TPST2: variants seen among roughly 807,000 people sequenced by gnomAD.
The protein encoded by TPST2 is tyrosylprotein sulfotransferase 2, also known as protein-tyrosine sulfotransferase 2.
Under a neutral mutation model 27.8 loss-of-function variants are expected in TPST2, and 16 were observed. The observed-to-expected ratio is 0.58, with a 90% CI of 0.39 to 0.88. The LOEUF (loss-of-function observed/expected upper bound fraction) is 0.88. TPST2 is among the 40% of genes least tolerant of loss of function. The probability of loss-of-function intolerance (pLI) is 0.00; values close to 1 mark genes in which losing one functional copy is unlikely to be tolerated. For missense variants in TPST2, 464 were observed against 543.1 expected (o/e 0.85, Z 1.45); for synonymous variants, 229 against 231.7 (o/e 0.99, Z 0.10).
chr22:26,564,148 A>G (rs917173489), intron 1 of TPST2, among the ~76,000 whole-genome samples: 4 of 152,154 alleles, frequency 2.6e-5, no homozygotes, highest in Non-Finnish European at 4.4e-5. Flanking sequence ...TGTCTAGACA[A>G]CCAGCGCCAG....
At chr22:26,563,424 G>A (rs967284963) in intron 1 of TPST2, among the ~76,000 whole-genome samples, 4 of 150,430 alleles carry the variant, frequency 2.7e-5, no homozygotes, top group African/African-American at 7.4e-5. Flanking sequence ...CGTCTCCCGG[G>A]TTCACACCAT....
chr22:26,561,614 T>A (rs1927100511), intron 1 of TPST2, among the ~76,000 whole-genome samples: 1 of 152,122 alleles, frequency 6.6e-6, no homozygotes, highest in African/African-American at 2.4e-5. Flanking sequence ...ATTTTTTTAT[T>A]AGAAAAAAAA....
intron 1 of TPST2, among the ~76,000 whole-genome samples, chr22:26,567,880 C>T (rs956755743): frequency 2.8e-4 from 42 of 152,272 alleles, no homozygotes; most frequent in African/African-American, 1.0e-3. Flanking sequence ...CATTACATAA[C>T]TAAATAACTA....
At position 26,541,729 on chromosome 22, in the gene TPST2, A is replaced by C; in HGVS notation, c.-88-11T>G. On this transcript the variant is annotated splice_polypyrimidine_tract_variant and intron_variant, in intron 2 of 6. Transcript: ENST00000338754. This position sits in a 1 kb window ranked among gnomAD's most constrained non-coding sequence, Gnocchi z 5.9. ...CCGCCAGGCTCACATCTGGGGAGAG[A>C]GGGGGACATGCATAGTCAGGGAGGT... The C allele has an allele frequency of 6.9e-7, 1 of 1,454,096 alleles. No homozygotes were observed. The highest frequency in any genetic ancestry group is 1.4e-5 in the South Asian group (1 of 70,010). The allele number at this position is 1,454,096 out of a possible 1,614,324, so 90.1% of individuals were successfully genotyped here.
rs1181574640 is a variant in TPST2 at position 26,541,226 on chromosome 22, G to A, written c.405C>T (p.Ala135=). Reference sequence around the variant, plus strand: ...CCTCCAGGATGAAGGCCTGCATGGCGGCGTCCAGCACCTCATCCGTCACCC... The same window carrying A: ...CCTCCAGGATGAAGGCCTGCATGGCAGCGTCCAGCACCTCATCCGTCACCC... ...EAGVTDEVLD[A]AMQAFILEVI... is the part of the protein sequence containing the mutation. Residue 135 remains alanine (A), a synonymous_variant, in exon 3 of 7, where the codon GCC becomes GCT. Transcript: ENST00000338754. The surrounding 1 kb of genome is among the most constrained non-coding windows in gnomAD (Gnocchi z 5.9). 1.3e-6 allele frequency: 2 copies of A among 1,561,488 alleles called. No individual in the cohort carries two copies. The highest frequency in any genetic ancestry group is 1.7e-6 in the Non-Finnish European group (2 of 1,151,474).
At chr22:26,555,292 T>C (rs976434292) in intron 1 of TPST2, 7 of 521,258 alleles carry the variant, frequency 1.3e-5, no homozygotes, top group Non-Finnish European at 2.7e-5. Context: ...CCGCAATTAC[T>C]TTTGCACCAG....
At chr22:26,538,896 G>A (rs1010185415) in intron 3 of TPST2, among the ~76,000 whole-genome samples, 9 of 152,178 alleles carry the variant, frequency 5.9e-5, no homozygotes, top group South Asian at 2.1e-4. Flanking sequence ...CCACACCACC[G>A]TGGAAAAAGG....
rs563611843 is a variant in TPST2 at position 26,585,816 on chromosome 22, C to G, written c.-161+4237G>C. ...CTGTAATCCTAGCACTTTGAGAGGC[C>G]GAGGCGGGCGGATCACAAGGTCAGG... On this transcript the variant is annotated intron_variant, in intron 1 of 6. Transcript: ENST00000338754. 2.6e-5 allele frequency among the ~76,000 whole-genome samples: 4 copies of G among 152,192 alleles called. No homozygotes were observed. In the East Asian group the frequency reaches 7.7e-4, roughly 29 times the overall value.
At position 26,525,026 on chromosome 22, in the gene TPST2, G is replaced by A. The variant is rs559076993; in HGVS notation, c.*1249C>T. The A allele has an allele frequency of 1.3e-5, 2 of 152,256 alleles. No individual in the cohort carries two copies. The highest frequency in any genetic ancestry group is 4.1e-4 in the South Asian group (2 of 4,820). The allele number at this position is 152,256 out of a possible 1,614,324, so 9.4% of individuals were successfully genotyped here. ...AGCTGGTGATTAAGTAACTAAAGTC[G>A]GTCATGTGATTGCCCTATGTGACTG... On this transcript the variant is annotated 3_prime_UTR_variant, in exon 7 of 7. Transcript: ENST00000338754.
At chr22:26,577,050 T>A (rs906860288) in intron 1 of TPST2, among the ~76,000 whole-genome samples, 10 of 145,772 alleles carry the variant, frequency 6.9e-5, no homozygotes, top group Admixed American at 6.4e-4. Context: ...GAGCTGAGAT[T>A]GCGCCACTGC....
At chr22:26,562,819 C>T (rs187727058) in intron 1 of TPST2, among the ~76,000 whole-genome samples, 353 of 152,222 alleles carry the variant, frequency 2.3e-3, no homozygotes, top group African/African-American at 8.4e-3. Flanking sequence ...GACAAGGTTT[C>T]ACCACGTTGG....
chr22:26,585,698 T>C (rs4822745), intron 1 of TPST2, among the ~76,000 whole-genome samples: 50,783 of 152,042 alleles, frequency 0.33, 8,984 homozygotes, highest in Admixed American at 0.43. Flanking sequence ...AACCCCAGGC[T>C]GTGAAGCTAC....
chr22:26,559,090 G>A (rs555172869), intron 1 of TPST2, among the ~76,000 whole-genome samples: 2 of 152,318 alleles, frequency 1.3e-5, no homozygotes, highest in East Asian at 1.9e-4. Flanking sequence ...TCATGGGCCC[G>A]GCGCGGTGGC....
chr22:26,530,068 T>C (rs961138169), intron 5 of TPST2, among the ~76,000 whole-genome samples: 1 of 152,144 alleles, frequency 6.6e-6, no homozygotes, highest in Admixed American at 6.6e-5. Flanking sequence ...AACAACACAG[T>C]GGGGATGAGG....
chr22:26,572,062 T>A (rs1878546655), intron 1 of TPST2, among the ~76,000 whole-genome samples: 1 of 152,184 alleles, frequency 6.6e-6, no homozygotes, highest in South Asian at 2.1e-4. Context: ...AGACCCCTTC[T>A]CCAGCCCCAT....
At chr22:26,537,018 T>A (rs1925508696) in intron 3 of TPST2, among the ~76,000 whole-genome samples, 1 of 151,948 alleles carries the variant, frequency 6.6e-6, no homozygotes, top group Non-Finnish European at 1.5e-5. Context: ...ATTGCACCAC[T>A]GCACTCCAGA....
chr22:26,564,826 G>T (rs1927305044), intron 1 of TPST2, among the ~76,000 whole-genome samples: 1 of 152,116 alleles, frequency 6.6e-6, no homozygotes, highest in South Asian at 2.1e-4. Flanking sequence ...GCCATGGAAG[G>T]GGTATCCTTG....
At chr22:26,567,960 G>A (rs1237023005) in intron 1 of TPST2, among the ~76,000 whole-genome samples, 1 of 152,224 alleles carries the variant, frequency 6.6e-6, no homozygotes, top group Admixed American at 6.5e-5. Flanking sequence ...CTGCTGGCAG[G>A]AGGGAAACCT....
intron 1 of TPST2, among the ~76,000 whole-genome samples, chr22:26,545,235 C>T (rs1446625856): frequency 6.6e-6 from 1 of 152,162 alleles, no homozygotes; most frequent in African/African-American, 2.4e-5. Context: ...CATTTAAACC[C>T]CAATAAAAGG....
Sources: gnomAD v4.1 joint callset for allele counts (sites outside exome capture counted in the v4.1 genomes callset) on GRCh38, gnomAD v4.1.1 for gene constraint, Gnocchi (gnomAD v3.1) non-coding constraint, MANE v1.5 for transcripts, NCBI Gene and HGNC (gene_info 2026-07-23, HGNC 2026-07-21) for gene names.